The following ATG7 variants were observed in gnomAD, a reference collection of about 807,000 sequenced individuals.
The protein encoded by ATG7 is autophagy related 7.
A neutral mutation model predicts 82.4 loss-of-function variants in ATG7; 70 were observed. The ratio of observed to expected loss-of-function variants is 0.85; its 90% CI spans 0.70 to 1.04. ATG7 has a LOEUF of 1.04. ATG7 is among the 50% of genes least tolerant of loss of function. The pLI is 0.00. For missense variants in ATG7, 792 were observed against 864.3 expected (o/e 0.92, Z 1.05); for synonymous variants, 287 against 313.0 (o/e 0.92, Z 0.88).
At chr3:11,306,564 G>C (rs1947775765) in intron 5 of ATG7, among the ~76,000 whole-genome samples, 1 of 152,110 alleles carries the variant, frequency 6.6e-6, no homozygotes, top group Non-Finnish European at 1.5e-5. Flanking sequence ...GTGACCTTAG[G>C]CAAGTTGCTT....
Position 11,417,813 on chromosome 3 carries a change from T to A in ATG7, c.1957-8991T>A, listed in dbSNP as rs1175920323. ...ATTATTATTATTATTTTATTTTATT[T>A]TATTTTTTTTTTTTTTGAGACAGAG... On this transcript the variant is annotated intron_variant, in intron 19 of 20. Coordinates refer to ENST00000693202, the MANE Select transcript of ATG7 (RefSeq NM_001349232.2). Among the ~76,000 whole-genome samples the A allele has an allele frequency of 2.1e-3, 79 of 37,656 alleles. 1 individual carries two copies. The highest frequency in any genetic ancestry group is 4.8e-3 in the African/African-American group (73 of 15,056). The allele number at this position is 37,656 out of a possible 152,430, so 24.7% of individuals were successfully genotyped here. A position where few individuals can be genotyped will look rare whatever the true frequency, so the allele number is the denominator to read the frequency against.
downstream of ATG7, chr3:11,559,270 CAG>C: frequency 6.8e-7 from 1 of 1,469,434 alleles, no homozygotes; most frequent in Non-Finnish European, 9.0e-7. Flanking sequence ...AACAGCATGA[CAG>C]AGAAGGGCTC....
At chr3:11,479,498 G>A (rs59639086) in intron 20 of ATG7, among the ~76,000 whole-genome samples, 1,709 of 152,108 alleles carry the variant, frequency 0.011, 30 homozygotes, top group African/African-American at 0.039. Context: ...GATATTGACC[G>A]ATCCCCTCTC....
chr3:11,314,409 T>TA (rs1216586981), intron 8 of ATG7, among the ~76,000 whole-genome samples: 26 of 37,432 alleles, frequency 6.9e-4, no homozygotes, highest in Non-Finnish European at 1.1e-3. Context: ...ATTGATTAAA[T>TA]TTTTTTTGTT....
chr3:11,501,373 A>G (rs1390504857), intron 20 of ATG7, among the ~76,000 whole-genome samples: 1 of 152,278 alleles, frequency 6.6e-6, no homozygotes, highest in Non-Finnish European at 1.5e-5. Flanking sequence ...GAAAGCAGTT[A>G]GTAGATACTA....
In ATG7 at chr3:11,317,584, C is replaced by CTTTTTTTTTT. The variant is rs370026914; in HGVS notation, c.678+2102_678+2111dup. Among the ~76,000 whole-genome samples, 54 of 114,476 alleles carry CTTTTTTTTTT rather than the reference C, an allele frequency of 4.7e-4. 1 individual carries two copies. The highest frequency in any genetic ancestry group is 5.8e-4 in the African/African-American group (18 of 31,114). 75.1% of individuals were successfully genotyped at this position (114,476 alleles called of 152,430 possible). A position where few individuals can be genotyped will look rare whatever the true frequency, so the allele number is the denominator to read the frequency against. The stretch of plus-strand genomic sequence containing the variant: ...CGAAGCCTATGCCCTTTCTTTCTTT[C>CTTTTTTTTTT]TTTTTTTTTTTTTTTTTTTTGTTTT... On this transcript the variant is annotated intron_variant, in intron 9 of 20. Transcript: ENST00000693202.
chr3:11,283,850 T>G (rs1486352104), intron 3 of ATG7, among the ~76,000 whole-genome samples: 1 of 152,174 alleles, frequency 6.6e-6, no homozygotes, highest in Non-Finnish European at 1.5e-5. Flanking sequence ...GAGAATCGCT[T>G]GAACCCGGTA....
intron 18 of ATG7, among the ~76,000 whole-genome samples, chr3:11,366,334 G>A (rs1410652382): frequency 2.0e-5 from 3 of 151,904 alleles, no homozygotes; most frequent in Non-Finnish European, 4.4e-5. Context: ...CATCTGACAC[G>A]GCCTTGAAAA....
chr3:11,550,689 CTCT>C (rs1291811880), intron 20 of ATG7, among the ~76,000 whole-genome samples: 3 of 152,108 alleles, frequency 2.0e-5, no homozygotes, highest in Admixed American at 1.3e-4. Context: ...TGCCTGGCCT[CTCT>C]TCTTGATTTC....
chr3:11,482,234 C>A (rs573028810), intron 20 of ATG7, among the ~76,000 whole-genome samples: 5 of 152,296 alleles, frequency 3.3e-5, no homozygotes, highest in African/African-American at 1.2e-4. Context: ...CTTGGCTGGG[C>A]GCCACAGCAG....
chr3:11,274,318 A>G (rs1033742587), intron 1 of ATG7, among the ~76,000 whole-genome samples: 1 of 152,104 alleles, frequency 6.6e-6, no homozygotes, highest in African/African-American at 2.4e-5. Context: ...TTTTTTTTTA[A>G]GCCAAGGAGA....
chr3:11,524,601 A>G (rs780260419), intron 20 of ATG7, among the ~76,000 whole-genome samples: 4 of 152,164 alleles, frequency 2.6e-5, no homozygotes, highest in Non-Finnish European at 5.9e-5. Flanking sequence ...TCTCCTAAAA[A>G]TAAAAATAAT....
intron 20 of ATG7, among the ~76,000 whole-genome samples, chr3:11,468,760 G>A (rs1321842819): frequency 1.3e-5 from 2 of 152,174 alleles, no homozygotes; most frequent in South Asian, 2.1e-4. Context: ...GGGACTGTAC[G>A]CAAAATGTTA....
chr3:11,493,790 T>C (rs1188510089), intron 20 of ATG7, among the ~76,000 whole-genome samples: 1 of 152,198 alleles, frequency 6.6e-6, no homozygotes, highest in Non-Finnish European at 1.5e-5. Flanking sequence ...TTTTGATGCT[T>C]GCAAGCACAA....
At chr3:11,563,793 G>T in the ATG7 span, among the ~76,000 whole-genome samples, 1 of 152,194 alleles carries the variant, frequency 6.6e-6, no homozygotes, top group Admixed American at 6.5e-5. Flanking sequence ...AAACAAACAG[G>T]ATTACCATGT....
rs2080687512 is a variant in ATG7 at position 11,409,495 on chromosome 3, T to C, written c.1957-17309T>C. Reference sequence around the variant, plus strand: ...GAGGCTAGGGTAGGCTCAGCTATGATGTTCAGTAGTTAGGTGTAATAAATG... The same window carrying C: ...GAGGCTAGGGTAGGCTCAGCTATGACGTTCAGTAGTTAGGTGTAATAAATG... On this transcript the variant is annotated intron_variant, in intron 19 of 20. Coordinates refer to ENST00000693202, the MANE Select transcript of ATG7 (RefSeq NM_001349232.2). 3.3e-5 allele frequency among the ~76,000 whole-genome samples: 5 copies of C among 152,216 alleles called. No individual in the cohort carries two copies. In the South Asian group the frequency reaches 1.0e-3, roughly 32 times the overall value.
chr3:11,553,052 C>A lies in ATG7; in HGVS notation c.2080-1759C>A, dbSNP rs1575308468. On this transcript the variant is annotated intron_variant, in intron 20 of 20. Transcript: ENST00000693202. ...GACCCTGCCCTGCCCAGGCTGGCAG[C>A]CCTCCAAGGAGGCTGGGCAGGAGGT... 2.0e-5 allele frequency among the ~76,000 whole-genome samples: 3 copies of A among 152,336 alleles called. No individual in the cohort carries two copies. The East Asian group carries it at 5.8e-4, about 29-fold the overall frequency.
chr3:11,486,693 T>C (rs2089690379), intron 20 of ATG7, among the ~76,000 whole-genome samples: 1 of 152,166 alleles, frequency 6.6e-6, no homozygotes, highest in African/African-American at 2.4e-5. Context: ...ATAGCTCTTA[T>C]TATTTTGAGA....
intron 20 of ATG7, among the ~76,000 whole-genome samples, chr3:11,469,724 G>A (rs1413719188): frequency 6.6e-6 from 1 of 151,560 alleles, no homozygotes; most frequent in Non-Finnish European, 1.5e-5. Flanking sequence ...GGTGGCTCCT[G>A]TCTGTAATCC....
Sources: gnomAD v4.1 joint callset for allele counts (sites outside exome capture counted in the v4.1 genomes callset) on GRCh38, gnomAD v4.1.1 for gene constraint, MANE v1.5 for transcripts, NCBI Gene and HGNC (gene_info 2026-07-23, HGNC 2026-07-21) for gene names.